The following SOD2 variants were observed in gnomAD, a reference collection of about 807,000 sequenced individuals.
The protein encoded by SOD2 is superoxide dismutase 2, also known as superoxide dismutase [Mn], mitochondrial.
A neutral mutation model predicts 27.0 loss-of-function variants in SOD2; 11 were observed. The observed-to-expected ratio is 0.41, with a 90% CI of 0.26 to 0.67. SOD2 has a LOEUF of 0.67. Among genes scored for constraint, SOD2 ranks in the 30% least tolerant of loss-of-function variants. The probability of loss-of-function intolerance (pLI) is 0.34; values close to 1 mark genes in which losing one functional copy is unlikely to be tolerated. For missense variants in SOD2, 250 were observed against 274.5 expected, an observed-to-expected ratio of 0.91 and a Z score of 0.63; for synonymous variants, 105 against 103.0, an observed-to-expected ratio of 1.02 and a Z score of -0.12.
Position 159,712,038 on chromosome 6 carries a change from C to T in SOD2, c.-116+15091G>A, listed in dbSNP as rs554242217. Among the ~76,000 whole-genome samples, 68 of 35,064 alleles carry T rather than the reference C, an allele frequency of 1.9e-3. 6 individuals carry two copies. Among genetic ancestry groups the T allele is most frequent in the South Asian group, 3.3e-3 (2 of 604 alleles). The allele number at this position is 35,064 out of a possible 152,430, so 23.0% of individuals were successfully genotyped here. On this transcript the variant is annotated intron_variant, in intron 1 of 2. Coordinates refer to the SOD2 transcript ENST00000401980. ...ATAACCACCACTCACACTGCTCAGA[C>T]CTCCATAACCACCTCCATAACCACC...
upstream of SOD2, chr6:159,727,366 GGGGAGGCTGGC>G: frequency 8.2e-7 from 1 of 1,223,682 alleles, no homozygotes; most frequent in Non-Finnish European, 1.1e-6. Flanking sequence ...ATGGCGGAGC[GGGGAGGCTGGC>G]GGGAGGCGGG....
chr6:159,727,255 C>T (rs1778227087), exon 1 of SOD2: 3 of 1,282,784 alleles, frequency 2.3e-6, no homozygotes, highest in Middle Eastern at 2.1e-4. Flanking sequence ...CGACGGCCTC[C>T]CTCCCTTCAC....
In SOD2 at chr6:159,734,993, C is replaced by T. The variant is rs76282538; in HGVS notation, c.-116+10137G>A. The stretch of plus-strand genomic sequence containing the variant: ...AAAAAACAGCATAATAAAGTGTTCC[C>T]TACTTGAATTCATTAACCTATCTTT... On this transcript the variant is annotated intron_variant, in intron 1 of 3. Coordinates refer to the SOD2 transcript ENST00000537657. Among the ~76,000 whole-genome samples the T allele has an allele frequency of 5.2e-3, 789 of 152,200 alleles. 5 individuals carry two copies. The highest frequency in any genetic ancestry group is 0.018 in the African/African-American group (747 of 41,516).
Position 159,680,944 on chromosome 6 carries a change from AAG to A in SOD2, c.*1547_*1548del, listed in dbSNP as rs1432810447. On this transcript the variant is annotated 3_prime_UTR_variant, in exon 5 of 5. Transcript: ENST00000538183. ...GAGCAAGACTCTGTCTCCAAAAAAA[AAG>A]AAAAAAAAAAAACGCCTATATAAAG... The A allele has an allele frequency of 7.2e-6, 1 of 139,218 alleles. No homozygotes were observed. The highest frequency in any genetic ancestry group is 1.6e-5 in the Non-Finnish European group (1 of 62,494). 8.6% of individuals were successfully genotyped at this position (139,218 alleles called of 1,614,324 possible).
intron 1 of SOD2, among the ~76,000 whole-genome samples, chr6:159,721,876 G>T (rs1037812215): frequency 6.6e-6 from 1 of 151,874 alleles, no homozygotes; most frequent in African/African-American, 2.4e-5. Context: ...TACTTTGATG[G>T]CATTTCCCAG....
intron 1 of SOD2, chr6:159,713,697 G>C: frequency 1.1e-6 from 1 of 900,992 alleles, no homozygotes; most frequent in African/African-American, 1.6e-5. Context: ...ATTCAGACCT[G>C]TGTGCTTCGA....
chr6:159,715,721 G>A (rs944625660), intron 1 of SOD2, among the ~76,000 whole-genome samples: 10 of 151,890 alleles, frequency 6.6e-5, no homozygotes, highest in South Asian at 2.1e-4. Flanking sequence ...CCAACATGGT[G>A]AGACTCCGTC....
Position 159,710,953 on chromosome 6 carries a change from C to G in SOD2, c.-116+16176G>C, listed in dbSNP as rs559589362. Among the ~76,000 whole-genome samples the G allele has an allele frequency of 5.3e-3, 569 of 107,546 alleles. 4 individuals carry two copies. Among genetic ancestry groups the G allele is most frequent in the African/African-American group, 0.016 (538 of 33,076 alleles). The allele number at this position is 107,546 out of a possible 152,430, so 70.6% of individuals were successfully genotyped here. The stretch of plus-strand genomic sequence containing the variant: ...ACCACCTCCATAACCACCACTCACA[C>G]TGCTCTGACCTCCATAACCACCTCC... On this transcript the variant is annotated intron_variant, in intron 1 of 2. Transcript: ENST00000401980.
intron 1 of SOD2, chr6:159,714,068 AAATGGGCTAT>A (rs1312194866): frequency 1.8e-5 from 11 of 618,944 alleles, no homozygotes; most frequent in Non-Finnish European, 3.3e-5. Context: ...TTCTGCCTTC[AAATGGGCTAT>A]AGCAAGATGA....
chr6:159,693,657 G>C (rs984794212), upstream of SOD2, among the ~76,000 whole-genome samples: 1 of 152,178 alleles, frequency 6.6e-6, no homozygotes, highest in African/African-American at 2.4e-5. Context: ...TGCGCTGCCG[G>C]GGGGCCGCGG....
chr6:159,703,761 T>C (rs1481921650), intron 1 of SOD2, among the ~76,000 whole-genome samples: 2 of 152,252 alleles, frequency 1.3e-5, no homozygotes, highest in Non-Finnish European at 2.9e-5. Flanking sequence ...CAAGTGAAAC[T>C]GCATCAACCT....
intron 1 of SOD2, among the ~76,000 whole-genome samples, chr6:159,718,636 A>G (rs966372949): frequency 6.6e-6 from 1 of 152,246 alleles, no homozygotes; most frequent in African/African-American, 2.4e-5. Flanking sequence ...TGCTGCTCAC[A>G]GTAAAATCTT....
At chr6:159,699,918 A>G (rs1332620982) in intron 1 of SOD2, among the ~76,000 whole-genome samples, 1 of 152,146 alleles carries the variant, frequency 6.6e-6, no homozygotes, top group Non-Finnish European at 1.5e-5. Flanking sequence ...AACAGTATTG[A>G]TATCACAGTA....
chr6:159,760,479 C>T (rs1583117549), intron 1 of SOD2: 1 of 152,182 alleles, frequency 6.6e-6, no homozygotes, highest in Non-Finnish European at 1.5e-5. Flanking sequence ...CCATGTTGGC[C>T]AGGCTGGTGT....
chr6:159,702,763 T>G lies in SOD2; in HGVS notation c.-115-9900A>C, dbSNP rs1296867342. On this transcript the variant is annotated intron_variant, in intron 1 of 2. Transcript: ENST00000401980. ...TTACTGAGAGGCTGAGGTGGGAGGA[T>G]CACTTGAGCCCAGAAGGCAGAGGAT... 9.5e-5 allele frequency among the ~76,000 whole-genome samples: 12 copies of G among 126,402 alleles called. No homozygotes were observed. The South Asian group carries it at 3.0e-3, about 31-fold the overall frequency. 82.9% of individuals were successfully genotyped at this position (126,402 alleles called of 152,430 possible).
At chr6:159,729,475 T>C (rs1166464768), upstream of SOD2, among the ~76,000 whole-genome samples, 3 of 152,234 alleles carry the variant, frequency 2.0e-5, no homozygotes, top group Admixed American at 2.0e-4. Context: ...TTGCTGTAAA[T>C]ATTTTCTGCC....
chr6:159,757,214 A>C lies in SOD2; in HGVS notation c.-336+3823T>G, dbSNP rs372542309. ...TGAAATGAAATTCCATTTCTGTTAA[A>C]AGCAAAGTATTGTTTTAGACATAAC... On this transcript the variant is annotated intron_variant, in intron 1 of 7. Transcript: ENST00000546087. 5.9e-5 allele frequency among the ~76,000 whole-genome samples: 9 copies of C among 152,288 alleles called. No individual in the cohort carries two copies. The East Asian group carries it at 1.4e-3, about 23-fold the overall frequency.
chr6:159,701,165 C>A (rs1378165034), intron 1 of SOD2, among the ~76,000 whole-genome samples: 1 of 152,158 alleles, frequency 6.6e-6, no homozygotes, highest in Non-Finnish European at 1.5e-5. Context: ...CCATGGTTAG[C>A]ATGCTCAAAG....
rs1433552177 is a variant in SOD2 at position 159,675,029 on chromosome 6, C to T, written c.*7464G>A. The T allele has an allele frequency of 6.6e-6, 1 of 152,048 alleles. No homozygotes were observed. The highest frequency in any genetic ancestry group is 1.5e-5 in the Non-Finnish European group (1 of 68,016). The allele number at this position is 152,048 out of a possible 1,614,324, so 9.4% of individuals were successfully genotyped here. A position where few individuals can be genotyped will look rare whatever the true frequency, so the allele number is the denominator to read the frequency against. ...CAAAGAGAATAAAATACCTAGGAATCCAACTTACAAGGGATGTGAAGGACC... is the reference window on the plus strand; with the variant it reads ...CAAAGAGAATAAAATACCTAGGAATTCAACTTACAAGGGATGTGAAGGACC... On this transcript the variant is annotated 3_prime_UTR_variant, in exon 5 of 5. Transcript: ENST00000538183.
Sources: allele counts gnomAD v4.1 joint callset (sites outside exome capture counted in the v4.1 genomes callset), GRCh38; gene constraint gnomAD v4.1.1; transcripts MANE v1.5; gene names NCBI Gene and HGNC (gene_info 2026-07-23, HGNC 2026-07-21).